Variants in LRCH3 observed in about 807,000 individuals in gnomAD.
The protein encoded by LRCH3 is DISP complex protein LRCH3.
In LRCH3, 68 loss-of-function variants were observed where a neutral mutation model predicts 104.5. The observed-to-expected ratio is 0.65, with a 90% CI of 0.54 to 0.80. The LOEUF (loss-of-function observed/expected upper bound fraction) is 0.80. Among genes scored for constraint, LRCH3 ranks in the 30% least tolerant of loss-of-function variants. The probability of loss-of-function intolerance (pLI) is 0.00; values close to 1 mark genes in which losing one functional copy is unlikely to be tolerated. For synonymous variants in LRCH3, 344 were observed against 361.3 expected (o/e 0.95, Z 0.54); for missense variants, 951 against 953.9 (o/e 1.00, Z 0.04).
At chr3:197,792,685 C>T (rs576169155) in intron 1 of LRCH3, among the ~76,000 whole-genome samples, 5 of 136,622 alleles carry the variant, frequency 3.7e-5, no homozygotes, top group East Asian at 2.2e-4. Context: ...GTATCTCGCT[C>T]TTGTCTCCCA....
At chr3:197,797,345 A>AAAAAG (rs1731335756) in intron 1 of LRCH3, among the ~76,000 whole-genome samples, 1 of 151,348 alleles carries the variant, frequency 6.6e-6, no homozygotes, top group Non-Finnish European at 1.5e-5. Flanking sequence ...AAAAAAAAAA[A>AAAAAG]AAGATGTAGA....
At chr3:197,800,008 T>C (rs1191660296) in intron 1 of LRCH3, among the ~76,000 whole-genome samples, 4 of 150,686 alleles carry the variant, frequency 2.7e-5, no homozygotes, top group African/African-American at 9.8e-5. Context: ...GGTGAAACCC[T>C]GTCTCTACTA....
chr3:197,882,063 TAAA>T (rs1013723971), intron 20 of LRCH3: 4 of 985,418 alleles, frequency 4.1e-6, no homozygotes, highest in Non-Finnish European at 4.8e-6. Context: ...AAACACCTGT[TAAA>T]AAACACACAC....
chr3:197,827,014 G>A lies in LRCH3; in HGVS notation c.777G>A (p.Gln259=). The A allele has an allele frequency of 6.2e-7, 1 of 1,612,718 alleles. No homozygotes were observed. Among genetic ancestry groups the A allele is most frequent in the Non-Finnish European group, 8.5e-7 (1 of 1,179,584 alleles). Residue 259 remains glutamine (Q), a splice_region_variant and synonymous_variant, in exon 5 of 21, where the codon CAG becomes CAA. Coordinates refer to ENST00000425562, the MANE Select transcript of LRCH3 (RefSeq NM_001365715.1). The part of the protein sequence containing the change: ...DNNPLQSPPA[Q]ICIKGKVHIF... ...ATCCACTACAATCACCTCCTGCACA[G>A]GTAAACCATAGTGGAAGCATCAGGT...
chr3:197,824,514 A>C (rs2109240070), intron 4 of LRCH3, among the ~76,000 whole-genome samples: 1 of 147,456 alleles, frequency 6.8e-6, no homozygotes. Context: ...CTTCCACCTC[A>C]CTGAGCCCTT....
rs760951510 is a variant in LRCH3, at chr3:197,839,314, G to T, written c.1252-7G>T. 1 of 1,579,282 alleles carries T rather than the reference G, an allele frequency of 6.3e-7. No homozygotes were observed. The highest frequency in any genetic ancestry group is 8.6e-7 in the Non-Finnish European group (1 of 1,162,532). ...CTAAATTTATTTATTTCTGTCCTCT[G>T]GCCTAGGGTTCACCAGTAAAGCCAG... is the stretch of plus-strand genomic sequence containing the variant. On this transcript the variant is annotated splice_polypyrimidine_tract_variant and splice_region_variant and intron_variant, in intron 9 of 20. Coordinates refer to ENST00000425562, the MANE Select transcript of LRCH3 (RefSeq NM_001365715.1).
At chr3:197,834,779 C>A (rs1736457262) in intron 8 of LRCH3, among the ~76,000 whole-genome samples, 1 of 152,204 alleles carries the variant, frequency 6.6e-6, no homozygotes, top group South Asian at 2.1e-4. Flanking sequence ...TCATCAATTG[C>A]TACATTCTTT....
chr3:197,811,335 ATTTC>A (rs1733100075), intron 1 of LRCH3, among the ~76,000 whole-genome samples: 1 of 151,976 alleles, frequency 6.6e-6, no homozygotes, highest in South Asian at 2.1e-4. Flanking sequence ...TGCATTTACC[ATTTC>A]TTTATATGTT....
Position 197,826,918 on chromosome 3 carries a change from C to G in LRCH3, c.681C>G (p.Cys227Trp). ...ELPLIRLDFSCNKITTIPVCY... is the reference protein window; with the variant it reads ...ELPLIRLDFSWNKITTIPVCY... Reference sequence around the variant, plus strand: ...CTTTGATACGGTTAGACTTCTCATGCAATAAAATTACCACAATCCCTGTTT... The same window carrying G: ...CTTTGATACGGTTAGACTTCTCATGGAATAAAATTACCACAATCCCTGTTT... The change falls in exon 5 of 21, where the codon TGC (cysteine) becomes TGG (tryptophan). Residue 227 changes from cysteine to tryptophan, a missense_variant. Cys to Trp is a radical substitution (Grantham distance 215). Coordinates refer to ENST00000425562, the MANE Select transcript of LRCH3 (RefSeq NM_001365715.1). The G allele has an allele frequency of 6.2e-7, 1 of 1,614,038 alleles. No homozygotes were observed. Among genetic ancestry groups the G allele is most frequent in the South Asian group, 1.1e-5 (1 of 91,076 alleles).
Position 197,875,679 on chromosome 3 carries a change from T to G in LRCH3, c.2131-19T>G. 6.5e-7 allele frequency: 1 copy of G among 1,528,858 alleles called. No homozygotes were observed. The highest frequency in any genetic ancestry group is 2.4e-5 in the East Asian group (1 of 40,840). The allele number at this position is 1,528,858 out of a possible 1,614,324, so 94.7% of individuals were successfully genotyped here. ...AAACAAAACTTCTCTAGTAACACAT[T>G]TTCTTTTCCTCATTTCAGCCTAAAT... On this transcript the variant is annotated intron_variant, in intron 19 of 20. Coordinates refer to ENST00000425562, the MANE Select transcript of LRCH3 (RefSeq NM_001365715.1).
chr3:197,803,278 TCTGGCCATCTATTATCAAGTG>T (rs1475115753), intron 1 of LRCH3, among the ~76,000 whole-genome samples: 1 of 152,192 alleles, frequency 6.6e-6, no homozygotes, highest in Non-Finnish European at 1.5e-5. Context: ...ATTTGTGGCT[TCTGGCCATCTATTATCAAGTG>T]ACAAGCTGTA....
chr3:197,792,501 G>A (rs1462142362), intron 1 of LRCH3, among the ~76,000 whole-genome samples: 187 of 129,266 alleles, frequency 1.4e-3, no homozygotes, highest in Middle Eastern at 4.3e-3. Flanking sequence ...TCGACCTCCC[G>A]GGCTCAGGTG....
In LRCH3 at chr3:197,851,259, C is replaced by T. The variant is rs150296024; in HGVS notation, c.1531-1302C>T. On this transcript the variant is annotated intron_variant, in intron 12 of 20. Coordinates refer to ENST00000425562, the MANE Select transcript of LRCH3 (RefSeq NM_001365715.1). ...CACACAGCCAGTAAGAGATAGTCAA[C>T]TTGTAGAGAGTCTTGATTAAATGTC... 2.4e-3 allele frequency among the ~76,000 whole-genome samples: 362 copies of T among 152,262 alleles called. 1 individual carries two copies. The highest frequency in any genetic ancestry group is 5.3e-3 in the African/African-American group (221 of 41,560).
rs1204364544 is a variant in LRCH3, at chr3:197,842,766, T to G, written c.1328+3369T>G. ...AATTTGAAATTGAAACTAGCAAAAA[T>G]TATGTTTTAAAAAAATTGTTAAAAT... On this transcript the variant is annotated intron_variant, in intron 10 of 20. Transcript: ENST00000425562. Among the ~76,000 whole-genome samples, 4 of 152,088 alleles carry G rather than the reference T, an allele frequency of 2.6e-5. No individual in the cohort carries two copies. In the South Asian group the frequency reaches 8.3e-4, roughly 32 times the overall value.
At chr3:197,824,867 G>GC (rs1734971199) in intron 4 of LRCH3, among the ~76,000 whole-genome samples, 1 of 151,146 alleles carries the variant, frequency 6.6e-6, no homozygotes, top group African/African-American at 2.4e-5. Context: ...ACTGCACCTG[G>GC]CCTGCTGCCC....
At chr3:197,864,612 A>G (rs141820610) in intron 15 of LRCH3, among the ~76,000 whole-genome samples, 7,326 of 111,170 alleles carry the variant, frequency 0.066, 1,156 homozygotes, top group African/African-American at 0.28. Flanking sequence ...CTCCATCTCA[A>G]AAAAAAAAAA....
chr3:197,874,258 T>A (rs1281293194), intron 19 of LRCH3, among the ~76,000 whole-genome samples: 1 of 152,022 alleles, frequency 6.6e-6, no homozygotes, highest in Non-Finnish European at 1.5e-5. Flanking sequence ...TTACAGCCAC[T>A]CCCCATTACT....
In LRCH3 at chr3:197,826,895, T is replaced by C. The variant is rs111388148; in HGVS notation, c.658T>C (p.Leu220=). The C allele has an allele frequency of 9.7e-5, 157 of 1,614,196 alleles. 4 individuals are homozygous for C. The African/African-American group carries it at 1.1e-3, about 12-fold the overall frequency. The change falls in exon 5 of 21, where the codon TTG becomes CTG. Residue 220 remains leucine, a synonymous_variant. Coordinates refer to ENST00000425562, the MANE Select transcript of LRCH3 (RefSeq NM_001365715.1). ...HLPEELAELP[L]IRLDFSCNKI... is the part of the protein sequence containing the mutation. ...TCTTGCAGAGCTGGCGGAGTTGCCTTTGATACGGTTAGACTTCTCATGCAA... is the reference window on the plus strand; with the variant it reads ...TCTTGCAGAGCTGGCGGAGTTGCCTCTGATACGGTTAGACTTCTCATGCAA...
At chr3:197,844,267 C>T (rs2109361438) in intron 10 of LRCH3, among the ~76,000 whole-genome samples, 1 of 152,206 alleles carries the variant, frequency 6.6e-6, no homozygotes, top group South Asian at 2.1e-4. Context: ...ATCAAGTAAG[C>T]AGTTAGATTT....
Sources: allele counts gnomAD v4.1 joint callset (sites outside exome capture counted in the v4.1 genomes callset), GRCh38; gene constraint gnomAD v4.1.1; transcripts MANE v1.5; gene names NCBI Gene and HGNC (gene_info 2026-07-23, HGNC 2026-07-21).